NCAM2: variants seen among roughly 807,000 people sequenced by gnomAD.
NCAM2 encodes neural cell adhesion molecule 2, also known as N-CAM-2.
NCAM2 carries 30 observed loss-of-function variants against 98.1 expected under a neutral mutation model. The ratio of observed to expected loss-of-function variants is 0.31; its 90% CI spans 0.23 to 0.41. NCAM2 has a LOEUF of 0.41. NCAM2 is among the 10% of genes least tolerant of loss of function. The pLI, the probability that NCAM2 is intolerant of heterozygous loss-of-function variation, is 1.00. For synonymous variants in NCAM2, 368 were observed against 342.4 expected, an observed-to-expected ratio of 1.07 and a Z score of -0.83; for missense variants, 867 against 1,005.8, an observed-to-expected ratio of 0.86 and a Z score of 1.87.
chr21:21,067,291 A>T (rs906724088), intron 1 of NCAM2, among the ~76,000 whole-genome samples: 1 of 152,066 alleles, frequency 6.6e-6, no homozygotes, highest in Non-Finnish European at 1.5e-5. Context: ...TTCTAGAAAA[A>T]ATAAACTTCA....
chr21:21,268,803 C>T (rs1394590930), intron 1 of NCAM2, among the ~76,000 whole-genome samples: 1 of 152,194 alleles, frequency 6.6e-6, no homozygotes, highest in Non-Finnish European at 1.5e-5. Flanking sequence ...TTTGCCCCTT[C>T]ACTTAAATTC....
intron 1 of NCAM2, among the ~76,000 whole-genome samples, chr21:21,164,561 T>C (rs1001874019): frequency 2.0e-5 from 3 of 152,186 alleles, no homozygotes; most frequent in Non-Finnish European, 4.4e-5. Flanking sequence ...ATCTGTGTTT[T>C]CACAACTTTT....
At chr21:21,436,078 G>T (rs1175518846) in intron 12 of NCAM2, among the ~76,000 whole-genome samples, 1 of 152,098 alleles carries the variant, frequency 6.6e-6, no homozygotes, top group Non-Finnish European at 1.5e-5. Context: ...ACATAGTAAA[G>T]ATATTCATCA....
intron 1 of NCAM2, among the ~76,000 whole-genome samples, chr21:21,058,374 C>A (rs7510476): frequency 0.88 from 133,866 of 152,076 alleles, 59,513 homozygotes; most frequent in Middle Eastern, 0.96. Context: ...TCACATTTAT[C>A]TGTTGGGGTC....
chr21:21,308,653 T>C (rs2073953785), intron 5 of NCAM2, among the ~76,000 whole-genome samples: 1 of 152,128 alleles, frequency 6.6e-6, no homozygotes, highest in Admixed American at 6.6e-5. Context: ...TGATTGATCA[T>C]TTTTAACAAA....
At chr21:21,251,333 C>G (rs931410872) in intron 1 of NCAM2, among the ~76,000 whole-genome samples, 2 of 151,666 alleles carry the variant, frequency 1.3e-5, no homozygotes. Context: ...GCCCCCCACC[C>G]CCTGTGTTGT....
chr21:21,283,069 C>T (rs1160070971), intron 2 of NCAM2, among the ~76,000 whole-genome samples: 2 of 151,876 alleles, frequency 1.3e-5, no homozygotes, highest in African/African-American at 4.8e-5. Context: ...CATCCCTCCT[C>T]TTCAAATGCA....
At chr21:21,356,720 G>T (rs899051145) in intron 8 of NCAM2, among the ~76,000 whole-genome samples, 1 of 152,154 alleles carries the variant, frequency 6.6e-6, no homozygotes, top group Non-Finnish European at 1.5e-5. Context: ...GCCAGGCACA[G>T]TGGCTCACGC....
rs960136107 is a variant in NCAM2 at position 21,541,652 on chromosome 21, G to T, written c.*3695G>T. The T allele has an allele frequency of 6.6e-5, 10 of 151,012 alleles. No individual in the cohort carries two copies. In the East Asian group the frequency reaches 1.5e-3, roughly 23 times the overall value. 9.4% of individuals were successfully genotyped at this position (151,012 alleles called of 1,614,324 possible). A position where few individuals can be genotyped will look rare whatever the true frequency, so the allele number is the denominator to read the frequency against. On this transcript the variant is annotated 3_prime_UTR_variant, in exon 18 of 18. Coordinates refer to ENST00000400546, the MANE Select transcript of NCAM2 (RefSeq NM_004540.5). Reference sequence around the variant, plus strand: ...AATAATAAATCAACCTTTATTTTTGGCAATAAGATTATCACTGACGAAAAT... The same window carrying T: ...AATAATAAATCAACCTTTATTTTTGTCAATAAGATTATCACTGACGAAAAT...
intron 1 of NCAM2, among the ~76,000 whole-genome samples, chr21:21,125,911 T>C (rs921583807): frequency 6.6e-5 from 10 of 151,580 alleles, no homozygotes; most frequent in African/African-American, 2.4e-4. Context: ...GTTAAGCAAA[T>C]AACTCATTCC....
intron 8 of NCAM2, among the ~76,000 whole-genome samples, chr21:21,352,709 A>G (rs573157784): frequency 1.3e-5 from 2 of 150,786 alleles, no homozygotes; most frequent in Non-Finnish European, 3.0e-5. Context: ...AAGCCCAACA[A>G]CTTGAAAGTG....
chr21:21,286,527 C>G (rs2073107348), intron 4 of NCAM2, 115 bp downstream of exon 4: 5 of 1,167,352 alleles, frequency 4.3e-6, no homozygotes, highest in Non-Finnish European at 4.8e-6. Context: ...AAATATTCAA[C>G]AACTATTTTG....
chr21:21,390,220 A>T (rs541763056), intron 9 of NCAM2, among the ~76,000 whole-genome samples: 59 of 152,194 alleles, frequency 3.9e-4, no homozygotes, highest in Non-Finnish European at 6.5e-4. Flanking sequence ...GCATTATGTT[A>T]TTACAATTAA....
At chr21:21,123,526 CG>C (rs1252412317) in intron 1 of NCAM2, among the ~76,000 whole-genome samples, 1 of 152,128 alleles carries the variant, frequency 6.6e-6, no homozygotes, top group African/African-American at 2.4e-5. Context: ...ATCCCACCCC[CG>C]TGGTGAGGAA....
At chr21:21,439,094 T>C (rs1405075565) in intron 12 of NCAM2, among the ~76,000 whole-genome samples, 1 of 148,874 alleles carries the variant, frequency 6.7e-6, no homozygotes, top group Non-Finnish European at 1.5e-5. Context: ...TCTAAAAAAA[T>C]AAATAAATAA....
At chr21:21,088,996 C>T (rs750614005) in intron 1 of NCAM2, among the ~76,000 whole-genome samples, 5 of 151,484 alleles carry the variant, frequency 3.3e-5, no homozygotes, top group Non-Finnish European at 7.4e-5. Flanking sequence ...GAGACATCCA[C>T]ATTCTTAGGT....
At chr21:21,276,205 G>A (rs192835186) in intron 1 of NCAM2, among the ~76,000 whole-genome samples, 6 of 151,874 alleles carry the variant, frequency 4.0e-5, no homozygotes, top group African/African-American at 9.6e-5. Flanking sequence ...ATAATTTTAT[G>A]TACCCCATAG....
intron 1 of NCAM2, among the ~76,000 whole-genome samples, chr21:21,069,676 G>A (rs781565798): frequency 2.0e-5 from 3 of 151,136 alleles, no homozygotes; most frequent in African/African-American, 7.4e-5. Flanking sequence ...CATGATGCCT[G>A]TACTTTTGAA....
chr21:21,022,092 A>C (rs929839491), intron 1 of NCAM2, among the ~76,000 whole-genome samples: 10 of 152,106 alleles, frequency 6.6e-5, no homozygotes, highest in Admixed American at 6.5e-4. Flanking sequence ...AACATATTGT[A>C]CTGATAAATG....
Sources: allele counts gnomAD v4.1 joint callset (sites outside exome capture counted in the v4.1 genomes callset), GRCh38; gene constraint gnomAD v4.1.1; transcripts MANE v1.5; gene names NCBI Gene and HGNC (gene_info 2026-07-23, HGNC 2026-07-21).